Variants in NCS1 observed in about 807,000 individuals in gnomAD.
The protein encoded by NCS1 is frequenin homolog.
In NCS1, 6 loss-of-function variants were observed where a neutral mutation model predicts 28.4. The ratio of observed to expected loss-of-function variants is 0.21; its 90% CI spans 0.12 to 0.42. The LOEUF (loss-of-function observed/expected upper bound fraction) is 0.42. Among genes scored for constraint, NCS1 ranks in the 10% least tolerant of loss-of-function variants. The probability of loss-of-function intolerance (pLI) is 1.00; values close to 1 mark genes in which losing one functional copy is unlikely to be tolerated. For missense variants in NCS1, 131 were observed against 241.4 expected (o/e 0.54, Z 3.03); for synonymous variants, 86 against 99.3 (o/e 0.87, Z 0.79).
intron 1 of NCS1, among the ~76,000 whole-genome samples, chr9:130,183,737 T>C (rs907714787): frequency 1.2e-4 from 18 of 150,462 alleles, no homozygotes; most frequent in Non-Finnish European, 2.4e-4. Flanking sequence ...TCTCTCTCTC[T>C]TCCTTCCTTC....
intron 6 of NCS1, among the ~76,000 whole-genome samples, chr9:130,224,346 C>T (rs1354483164): frequency 3.5e-5 from 5 of 144,406 alleles, no homozygotes; most frequent in South Asian, 2.2e-4. Flanking sequence ...GAGTGGAGAT[C>T]GCGCCATTGC....
At position 130,235,870 on chromosome 9, in the gene NCS1, T is replaced by C. The variant is rs141952514; in HGVS notation, c.*2898T>C. 1,198 of 152,342 alleles carry C rather than the reference T, an allele frequency of 7.9e-3. 14 individuals are homozygous for C. Among genetic ancestry groups the C allele is most frequent in the Middle Eastern group, 0.037 (11 of 294 alleles). 9.4% of individuals were successfully genotyped at this position (152,342 alleles called of 1,614,324 possible). A position where few individuals can be genotyped will look rare whatever the true frequency, so the allele number is the denominator to read the frequency against. On this transcript the variant is annotated 3_prime_UTR_variant, in exon 8 of 8. Coordinates refer to ENST00000372398, the MANE Select transcript of NCS1 (RefSeq NM_014286.4). ...TCTGATGCAGAGGGCACGCCCATAG[T>C]CCCTCTGCAGAGCCTCGCACTGGGG...
Position 130,234,760 on chromosome 9 carries a change from T to C in NCS1, c.*1788T>C, listed in dbSNP as rs2131167541. The C allele has an allele frequency of 6.6e-6, 1 of 152,364 alleles. No individual in the cohort carries two copies. Among genetic ancestry groups the C allele is most frequent in the South Asian group, 2.1e-4 (1 of 4,822 alleles). 9.4% of individuals were successfully genotyped at this position (152,364 alleles called of 1,614,324 possible). On this transcript the variant is annotated 3_prime_UTR_variant, in exon 8 of 8. Coordinates refer to ENST00000372398, the MANE Select transcript of NCS1 (RefSeq NM_014286.4). This position sits in a 1 kb window ranked among gnomAD's most constrained non-coding sequence, Gnocchi z 6.1. Reference sequence around the variant, plus strand: ...CACACCTTGTCCCTTCCCGCAGCATTTCCTGGTTCCCCCCAGACCCTTGAG... The same window carrying C: ...CACACCTTGTCCCTTCCCGCAGCATCTCCTGGTTCCCCCCAGACCCTTGAG...
chr9:130,211,010 A>AT (rs34425557), intron 2 of NCS1, among the ~76,000 whole-genome samples: 13,896 of 92,374 alleles, frequency 0.15, 1,686 homozygotes, highest in Middle Eastern at 0.22. Context: ...GGCTCCACTA[A>AT]TTTTTTTTTT....
rs530052808 is a variant in NCS1, at chr9:130,209,886, C to T, written c.90-7946C>T. 2.6e-5 allele frequency among the ~76,000 whole-genome samples: 4 copies of T among 152,232 alleles called. No homozygotes were observed. The highest frequency in any genetic ancestry group is 2.0e-4 in the Admixed American group (3 of 15,288). ...TCCCGTGGCTGGGGATCGCAGGCCC[C>T]GTTCTTCACAGCCTGGGCCTGCCTC... On this transcript the variant is annotated intron_variant, in intron 2 of 7. Transcript: ENST00000372398. The surrounding 1 kb of genome is among the most constrained non-coding windows in gnomAD (Gnocchi z 4.4).
intron 1 of NCS1, among the ~76,000 whole-genome samples, chr9:130,185,352 A>G (rs1832724853): frequency 6.6e-6 from 1 of 152,260 alleles, no homozygotes; most frequent in Non-Finnish European, 1.5e-5. Context: ...CGAGCAAGCC[A>G]ATGAATGAAC....
intron 1 of NCS1, among the ~76,000 whole-genome samples, chr9:130,182,687 G>A (rs564105151): frequency 6.6e-5 from 10 of 152,178 alleles, no homozygotes; most frequent in Non-Finnish European, 1.2e-4. Flanking sequence ...GTGTGTGGGC[G>A]CTGGGCTGAT....
Position 130,215,619 on chromosome 9 carries a change from C to T in NCS1, c.90-2213C>T, listed in dbSNP as rs1490522538. 1.3e-5 allele frequency among the ~76,000 whole-genome samples: 2 copies of T among 152,160 alleles called. No homozygotes were observed. Among genetic ancestry groups the T allele is most frequent in the East Asian group, 3.9e-4 (2 of 5,186 alleles). On this transcript the variant is annotated intron_variant, in intron 2 of 7. Coordinates refer to ENST00000372398, the MANE Select transcript of NCS1 (RefSeq NM_014286.4). The surrounding 1 kb of genome is among the most constrained non-coding windows in gnomAD (Gnocchi z 4.2). ...GGATGAATCTCCTGATCTCTCTGTG[C>T]CTCAGTGCCTCATCTGTGAAATGGG...
intron 1 of NCS1, among the ~76,000 whole-genome samples, chr9:130,185,797 G>A (rs1443657322): frequency 1.3e-5 from 2 of 152,256 alleles, no homozygotes; most frequent in Admixed American, 6.5e-5. Context: ...TCGGCCAGTG[G>A]CCCCACCACC....
rs1564701876 is a variant in NCS1 at position 130,180,032 on chromosome 9, TATC to T, written c.64+7306_64+7308del. Among the ~76,000 whole-genome samples, 4 of 149,202 alleles carry T rather than the reference TATC, an allele frequency of 2.7e-5. No individual in the cohort carries two copies. Among genetic ancestry groups the T allele is most frequent in the African/African-American group, 1.0e-4 (4 of 39,420 alleles). The stretch of plus-strand genomic sequence containing the variant: ...CTATCTATCTATCTATCTATCTATC[TATC>T]TATCTATCTATCTATCGAGATGGAA... On this transcript the variant is annotated intron_variant, in intron 1 of 7. Coordinates refer to ENST00000372398, the MANE Select transcript of NCS1 (RefSeq NM_014286.4). The surrounding 1 kb of genome is among the most constrained non-coding windows in gnomAD (Gnocchi z 4.5).
chr9:130,211,386 C>T (rs1833110025), intron 2 of NCS1, among the ~76,000 whole-genome samples: 1 of 151,532 alleles, frequency 6.6e-6, no homozygotes, highest in Non-Finnish European at 1.5e-5. Context: ...AACCCCTGAC[C>T]ATGCTGAGCA....
rs1449311615 is a variant in NCS1 at position 130,237,021 on chromosome 9, A to T, written c.*4049A>T. Reference sequence around the variant, plus strand: ...TGCTGCCTCCCACCCGGAGCCTGCCACTTGGGGGAGAAATTGGTATAATGC... The same window carrying T: ...TGCTGCCTCCCACCCGGAGCCTGCCTCTTGGGGGAGAAATTGGTATAATGC... On this transcript the variant is annotated 3_prime_UTR_variant, in exon 8 of 8. Transcript: ENST00000372398. The T allele has an allele frequency of 6.6e-6, 1 of 152,252 alleles. No individual in the cohort carries two copies. The highest frequency in any genetic ancestry group is 1.5e-5 in the Non-Finnish European group (1 of 68,088). The allele number at this position is 152,252 out of a possible 1,614,324, so 9.4% of individuals were successfully genotyped here. A position where few individuals can be genotyped will look rare whatever the true frequency, so the allele number is the denominator to read the frequency against.
chr9:130,201,837 G>T (rs917283719), intron 2 of NCS1, among the ~76,000 whole-genome samples: 1 of 152,230 alleles, frequency 6.6e-6, no homozygotes, highest in Admixed American at 6.5e-5. Flanking sequence ...TTGAGTTTCC[G>T]CCCTCACTTT....
In NCS1 at chr9:130,234,278, A is replaced by G. The variant is rs1554912567; in HGVS notation, c.*1306A>G. ...TCTCTTGGCTCAAAGGCTGGGAGGG[A>G]GGGAAGGAGAGAAGAGTTCCAGGCA... On this transcript the variant is annotated 3_prime_UTR_variant, in exon 8 of 8. Transcript: ENST00000372398. The surrounding 1 kb of genome is among the most constrained non-coding windows in gnomAD (Gnocchi z 6.1). The G allele has an allele frequency of 6.6e-6, 1 of 151,960 alleles. No individual in the cohort carries two copies. Among genetic ancestry groups the G allele is most frequent in the African/African-American group, 2.4e-5 (1 of 41,336 alleles). 9.4% of individuals were successfully genotyped at this position (151,960 alleles called of 1,614,324 possible). A position where few individuals can be genotyped will look rare whatever the true frequency, so the allele number is the denominator to read the frequency against.
intron 1 of NCS1, among the ~76,000 whole-genome samples, chr9:130,196,649 G>T (rs1292922909): frequency 6.6e-6 from 1 of 152,172 alleles, no homozygotes; most frequent in African/African-American, 2.4e-5. Context: ...TGAGGCAGGA[G>T]AATTGCTTGA....
chr9:130,208,718 C>T (rs981997544), intron 2 of NCS1, among the ~76,000 whole-genome samples: 5 of 152,224 alleles, frequency 3.3e-5, no homozygotes, highest in Admixed American at 2.6e-4. Flanking sequence ...AGAGTGGGCG[C>T]GGAGACAGCC....
chr9:130,204,938 C>T (rs557042336), intron 2 of NCS1, among the ~76,000 whole-genome samples: 53 of 152,172 alleles, frequency 3.5e-4, no homozygotes, highest in Admixed American at 1.3e-3. Flanking sequence ...AGCAATAGAG[C>T]GTGCTCCCTG....
At chr9:130,212,280 G>A (rs1481030677) in intron 2 of NCS1, among the ~76,000 whole-genome samples, 1 of 152,086 alleles carries the variant, frequency 6.6e-6, no homozygotes, top group African/African-American at 2.4e-5. Context: ...AGACCATCTG[G>A]TCCAGTGGTT....
intron 2 of NCS1, among the ~76,000 whole-genome samples, chr9:130,203,091 C>CAT (rs1365053648): frequency 1.4e-5 from 2 of 142,072 alleles, no homozygotes; most frequent in Non-Finnish European, 3.0e-5. Flanking sequence ...TATACACATA[C>CAT]ATATATATGT....
Sources: allele counts gnomAD v4.1 joint callset (sites outside exome capture counted in the v4.1 genomes callset), GRCh38; gene constraint gnomAD v4.1.1; non-coding constraint Gnocchi (gnomAD v3.1); transcripts MANE v1.5; gene names NCBI Gene and HGNC (gene_info 2026-07-23, HGNC 2026-07-21).